RASGEF1C: variants seen among roughly 807,000 people sequenced by gnomAD.
RASGEF1C encodes RasGEF domain family member 1C.
In RASGEF1C, 27 loss-of-function variants were observed where a neutral mutation model predicts 58.1. That is an observed-to-expected ratio of 0.46 (90% confidence interval 0.34 to 0.64). The LOEUF is 0.64. Ranked by LOEUF, RASGEF1C falls within the 30% of genes least tolerant of loss-of-function variation. The probability of loss-of-function intolerance (pLI) is 0.01; values close to 1 mark genes in which losing one functional copy is unlikely to be tolerated. For synonymous variants in RASGEF1C, 243 were observed against 246.3 expected (o/e 0.99, Z 0.13); for missense variants, 502 against 605.1 (o/e 0.83, Z 1.79).
intron 12 of RASGEF1C, among the ~76,000 whole-genome samples, chr5:180,106,587 G>A (rs1380788917): frequency 6.6e-6 from 1 of 152,142 alleles, no homozygotes; most frequent in East Asian, 1.9e-4. Context: ...TCTGTTGTCT[G>A]ATGCTACCGA....
At chr5:180,134,843 C>A (rs56008838) in intron 4 of RASGEF1C, among the ~76,000 whole-genome samples, 14 of 1,166 alleles carry the variant, frequency 0.012, no homozygotes, top group Non-Finnish European at 0.019. Context: ...CTAGCATTCA[C>A]CCATCCACCC....
At chr5:180,118,757 G>A (rs1332254549) in intron 9 of RASGEF1C, 30 bp downstream of exon 9, 1 of 1,614,004 alleles carries the variant, frequency 6.2e-7, no homozygotes. Context: ...GATGGCCGGA[G>A]GCACCCGGCA....
intron 1 of RASGEF1C, among the ~76,000 whole-genome samples, chr5:180,206,663 G>A (rs190627914): frequency 4.6e-5 from 7 of 152,198 alleles, no homozygotes; most frequent in Admixed American, 4.6e-4. Context: ...AATTTAAAAA[G>A]ACTTGGAAAA....
chr5:180,193,297 C>T (rs1581129573), intron 1 of RASGEF1C, among the ~76,000 whole-genome samples: 1 of 150,630 alleles, frequency 6.6e-6, no homozygotes. Flanking sequence ...CCTCGTGATC[C>T]GCCTGCCTCG....
At chr5:180,117,994 C>CAAAAAAAA (rs3078957) in intron 10 of RASGEF1C, among the ~76,000 whole-genome samples, 1 of 108,682 alleles carries the variant, frequency 9.2e-6, no homozygotes, top group African/African-American at 3.6e-5. Flanking sequence ...ACTCCATCTC[C>CAAAAAAAA]AAAAAAAAAA....
chr5:180,191,948 G>A (rs1003134280), intron 1 of RASGEF1C, among the ~76,000 whole-genome samples: 19 of 152,116 alleles, frequency 1.2e-4, no homozygotes, highest in Non-Finnish European at 2.1e-4. Context: ...GGCAGCATTC[G>A]TTTTCTTCTG....
chr5:180,137,713 C>A lies in RASGEF1C; in HGVS notation c.178-1G>T. 1 of 1,612,956 alleles carries A rather than the reference C, an allele frequency of 6.2e-7. No individual in the cohort carries two copies. Among genetic ancestry groups the A allele is most frequent in the South Asian group, 1.1e-5 (1 of 91,052 alleles). ...GCAGGAAGGTGAAGATGTAGGCTTT[C>A]TGGGGGACACACGAGAAAGAGGGCA... On this transcript the variant is annotated splice_acceptor_variant, in intron 2 of 13. Transcript: ENST00000361132. LOFTEE classifies it high-confidence loss of function. The surrounding 1 kb of genome is among the most constrained non-coding windows in gnomAD (Gnocchi z 4.1).
intron 1 of RASGEF1C, among the ~76,000 whole-genome samples, chr5:180,192,383 C>G (rs1561757430): frequency 6.6e-6 from 1 of 152,152 alleles, no homozygotes; most frequent in Non-Finnish European, 1.5e-5. Context: ...AGCGTCCTCA[C>G]TGGGGTGAGG....
chr5:180,118,972 G>C, intron 8 of RASGEF1C, 106 bp from the exon 9 acceptor site: 9 of 1,035,626 alleles, frequency 8.7e-6, no homozygotes, highest in Non-Finnish European at 1.2e-5. Flanking sequence ...GGTCTGCAGG[G>C]CTCAGCCTGT....
chr5:180,121,610 G>A (rs1192475561), intron 6 of RASGEF1C, among the ~76,000 whole-genome samples: 3 of 149,890 alleles, frequency 2.0e-5, no homozygotes, highest in Non-Finnish European at 4.4e-5. Context: ...ACTGCGCCCG[G>A]CTAAAAATAC....
chr5:180,192,796 G>A (rs193136287), intron 1 of RASGEF1C, among the ~76,000 whole-genome samples: 3 of 151,710 alleles, frequency 2.0e-5, no homozygotes, highest in Admixed American at 6.6e-5. Context: ...CCAGGCTGGA[G>A]TGCAGTGTCG....
Position 180,155,440 on chromosome 5 carries a change from C to A in RASGEF1C, c.-6-17382G>T, listed in dbSNP as rs1257230781. Reference sequence around the variant, plus strand: ...TTGCGGAGGCTGAGAATGCACCTGGCCTTGCCTTCAGGAGGGCAACGCGCT... The same window carrying A: ...TTGCGGAGGCTGAGAATGCACCTGGACTTGCCTTCAGGAGGGCAACGCGCT... On this transcript the variant is annotated intron_variant, in intron 1 of 13. Transcript: ENST00000361132. The surrounding 1 kb of genome is among the most constrained non-coding windows in gnomAD (Gnocchi z 5.2). Among the ~76,000 whole-genome samples the A allele has an allele frequency of 6.6e-6, 1 of 152,138 alleles. No homozygotes were observed. The highest frequency in any genetic ancestry group is 1.5e-5 in the Non-Finnish European group (1 of 68,032).
intron 1 of RASGEF1C, among the ~76,000 whole-genome samples, chr5:180,176,644 C>T (rs1422118964): frequency 6.6e-6 from 1 of 151,854 alleles, no homozygotes; most frequent in Non-Finnish European, 1.5e-5. Context: ...GCAAGCTCCG[C>T]CTCCCGGGTT....
intron 1 of RASGEF1C, among the ~76,000 whole-genome samples, chr5:180,148,214 T>G (rs1766688608): frequency 6.6e-6 from 1 of 152,212 alleles, no homozygotes; most frequent in South Asian, 2.1e-4. Flanking sequence ...AGTCCCTTCA[T>G]GTTTAACCTA....
rs79173799 is a variant in RASGEF1C, at chr5:180,190,710, A to C, written c.-7+18318T>G. On this transcript the variant is annotated intron_variant, in intron 1 of 13. Coordinates refer to ENST00000361132, the MANE Select transcript of RASGEF1C (RefSeq NM_175062.4). ...TAAAAATTTTAAAAATTACAGAAACAACAGTAAAACCTACAACTATAAAGT... is the reference window on the plus strand; with the variant it reads ...TAAAAATTTTAAAAATTACAGAAACCACAGTAAAACCTACAACTATAAAGT... Among the ~76,000 whole-genome samples, 11 of 151,938 alleles carry C rather than the reference A, an allele frequency of 7.2e-5. No homozygotes were observed. In the East Asian group the frequency reaches 2.1e-3, roughly 29 times the overall value.
At position 180,137,564 on chromosome 5, in the gene RASGEF1C, AC is replaced by A; in HGVS notation, c.300+25del. 2 of 1,600,002 alleles carry A rather than the reference AC, an allele frequency of 1.3e-6. No homozygotes were observed. Among genetic ancestry groups the A allele is most frequent in the South Asian group, 2.2e-5 (2 of 89,358 alleles). On this transcript the variant is annotated intron_variant, in intron 3 of 13. Coordinates refer to ENST00000361132, the MANE Select transcript of RASGEF1C (RefSeq NM_175062.4). This position sits in a 1 kb window ranked among gnomAD's most constrained non-coding sequence, Gnocchi z 4.1. Reference sequence around the variant, plus strand: ...CAGGGCAGTGCTGGTACACTCTGAGACCCCCTGGCCTGCCCTCCGCCTCACC... The same window carrying A: ...CAGGGCAGTGCTGGTACACTCTGAGACCCCTGGCCTGCCCTCCGCCTCACC...
At chr5:180,103,367 G>A (rs374486974) in intron 12 of RASGEF1C, among the ~76,000 whole-genome samples, 350 of 152,290 alleles carry the variant, frequency 2.3e-3, no homozygotes, top group African/African-American at 4.5e-3. Context: ...GTGAGCCACC[G>A]CACCCGGCAC....
rs777595115 is a variant in RASGEF1C at position 180,168,144 on chromosome 5, A to C, written c.-6-30086T>G. On this transcript the variant is annotated intron_variant, in intron 1 of 13. Transcript: ENST00000361132. The surrounding 1 kb of genome is among the most constrained non-coding windows in gnomAD (Gnocchi z 6.0). ...CAAAACAAAAACAAAAACAAACAAA[A>C]AAAAGGCCAGGCGCAGTGGCTCACA... 5.3e-5 allele frequency among the ~76,000 whole-genome samples: 8 copies of C among 152,164 alleles called. No individual in the cohort carries two copies. The highest frequency in any genetic ancestry group is 8.8e-5 in the Non-Finnish European group (6 of 68,032).
In RASGEF1C at chr5:180,162,867, C is replaced by T. The variant is rs565285815; in HGVS notation, c.-6-24809G>A. 6.0e-4 allele frequency among the ~76,000 whole-genome samples: 92 copies of T among 152,228 alleles called. No homozygotes were observed. The South Asian group carries it at 0.017, about 29-fold the overall frequency. On this transcript the variant is annotated intron_variant, in intron 1 of 13. Transcript: ENST00000361132. Reference sequence around the variant, plus strand: ...CTTCCAATCCATGAATACAGTGTGTCGCTATGATTACTTGGGTCTCCTTTG... The same window carrying T: ...CTTCCAATCCATGAATACAGTGTGTTGCTATGATTACTTGGGTCTCCTTTG...
Sources: gnomAD v4.1 joint callset for allele counts (sites outside exome capture counted in the v4.1 genomes callset) on GRCh38, gnomAD v4.1.1 for gene constraint, Gnocchi (gnomAD v3.1) non-coding constraint, MANE v1.5 for transcripts, NCBI Gene and HGNC (gene_info 2026-07-23, HGNC 2026-07-21) for gene names.